ADAMTS20: variants seen among roughly 807,000 people sequenced by gnomAD.
ADAMTS20 encodes ADAM metallopeptidase with thrombospondin type 1 motif 20.
Under a neutral mutation model 260.1 loss-of-function variants are expected in ADAMTS20, and 225 were observed. The observed-to-expected ratio is 0.87, with a 90% CI of 0.78 to 0.97. The LOEUF (loss-of-function observed/expected upper bound fraction) is 0.97, where lower values mean the gene tolerates loss of function less well. Ranked by LOEUF, ADAMTS20 falls within the 50% of genes least tolerant of loss-of-function variation. The pLI, the probability that ADAMTS20 is intolerant of heterozygous loss-of-function variation, is 0.00. For missense variants in ADAMTS20, 2,400 were observed against 2,337.7 expected (o/e 1.03, Z -0.55); for synonymous variants, 802 against 769.5 (o/e 1.04, Z -0.70).
chr12:43,532,299 G>T (rs1224557857), intron 2 of ADAMTS20, 104 bp from the exon 3 acceptor site: 12 of 1,013,236 alleles, frequency 1.2e-5, no homozygotes, highest in Non-Finnish European at 1.7e-5. Flanking sequence ...AAACAGCAAG[G>T]AGTCTGTTCA....
chr12:43,438,268 T>C (rs937090005), intron 18 of ADAMTS20, among the ~76,000 whole-genome samples: 2 of 152,202 alleles, frequency 1.3e-5, no homozygotes, highest in Non-Finnish European at 2.9e-5. Flanking sequence ...TTCATTCTCC[T>C]GTTTCTGAAA....
chr12:43,390,399 A>G (rs1360258926), intron 29 of ADAMTS20, among the ~76,000 whole-genome samples: 1 of 152,248 alleles, frequency 6.6e-6, no homozygotes, highest in African/African-American at 2.4e-5. Context: ...TTTCAAATAT[A>G]AATAGGCTGA....
At chr12:43,402,541 T>C (rs1399716871) in intron 28 of ADAMTS20, among the ~76,000 whole-genome samples, 1 of 152,018 alleles carries the variant, frequency 6.6e-6, no homozygotes. Flanking sequence ...CAGGACATGT[T>C]ATGCAAACAG....
chr12:43,419,215 T>C lies in ADAMTS20; in HGVS notation c.4284+6299A>G, dbSNP rs183609251. On this transcript the variant is annotated intron_variant, in intron 28 of 38. Coordinates refer to ENST00000389420, the MANE Select transcript of ADAMTS20 (RefSeq NM_025003.5). ...ATCATATGTTAGTTTATGTGTGCAA[T>C]GTATGACTATATAATACATATATAT... 5.5e-4 allele frequency among the ~76,000 whole-genome samples: 84 copies of C among 152,276 alleles called. No homozygotes were observed. In the East Asian group the frequency reaches 0.014, roughly 26 times the overall value.
chr12:43,454,662 C>T (rs1464823416), intron 11 of ADAMTS20, among the ~76,000 whole-genome samples: 1 of 152,170 alleles, frequency 6.6e-6, no homozygotes, highest in Non-Finnish European at 1.5e-5. Flanking sequence ...TCCATCCCTT[C>T]TCACTACACC....
intron 4 of ADAMTS20, among the ~76,000 whole-genome samples, chr12:43,494,207 T>G (rs1942645468): frequency 1.3e-5 from 2 of 152,186 alleles, no homozygotes; most frequent in Admixed American, 1.3e-4. Context: ...TGCTCCAGGG[T>G]GTGCTACTTC....
intron 7 of ADAMTS20, among the ~76,000 whole-genome samples, chr12:43,469,184 G>A (rs1942207389): frequency 6.6e-6 from 1 of 151,938 alleles, no homozygotes; most frequent in African/African-American, 2.4e-5. Context: ...CATGACATGA[G>A]TAAAAAATAA....
chr12:43,434,472 G>T, intron 18 of ADAMTS20, 101 bp from the exon 19 acceptor site: 1 of 1,271,814 alleles, frequency 7.9e-7, no homozygotes, highest in Non-Finnish European at 1.1e-6. Context: ...AGCCAGCTAA[G>T]CAAGTAAAAA....
At chr12:43,483,336 C>T (rs1942470445) in intron 7 of ADAMTS20, among the ~76,000 whole-genome samples, 1 of 152,124 alleles carries the variant, frequency 6.6e-6, no homozygotes, top group Non-Finnish European at 1.5e-5. Flanking sequence ...ACAAAAGAAA[C>T]CAGACTGGAG....
At chr12:43,518,063 G>A (rs947448748) in intron 3 of ADAMTS20, among the ~76,000 whole-genome samples, 4 of 151,696 alleles carry the variant, frequency 2.6e-5, no homozygotes, top group African/African-American at 9.7e-5. Context: ...TTTCAAAAAG[G>A]CATTTAATTT....
chr12:43,405,670 C>T (rs1349694396), intron 28 of ADAMTS20, among the ~76,000 whole-genome samples: 3 of 151,762 alleles, frequency 2.0e-5, no homozygotes, highest in Non-Finnish European at 4.4e-5. Context: ...AAAATGACGA[C>T]AAGAAAATAC....
intron 4 of ADAMTS20, among the ~76,000 whole-genome samples, chr12:43,497,776 T>C (rs1466029905): frequency 1.3e-5 from 2 of 152,118 alleles, no homozygotes; most frequent in Admixed American, 6.5e-5. Flanking sequence ...CCTCTAATAA[T>C]AGTAACCATA....
intron 18 of ADAMTS20, 41 bp downstream of exon 18, chr12:43,439,581 T>A: frequency 1.9e-6 from 3 of 1,572,626 alleles, no homozygotes; most frequent in Non-Finnish European, 2.6e-6. Flanking sequence ...GATGCCAGAA[T>A]GCACAGTCAG....
chr12:43,528,671 G>C (rs867641456), intron 3 of ADAMTS20, among the ~76,000 whole-genome samples: 1 of 152,048 alleles, frequency 6.6e-6, no homozygotes, highest in Non-Finnish European at 1.5e-5. Flanking sequence ...ATGGATTAAA[G>C]TCTTAAATCT....
At chr12:43,523,761 C>T (rs1321392059) in intron 3 of ADAMTS20, among the ~76,000 whole-genome samples, 1 of 152,038 alleles carries the variant, frequency 6.6e-6, no homozygotes, top group Non-Finnish European at 1.5e-5. Context: ...CAGAGACCTA[C>T]CCCTTGACCC....
rs771750626 is a variant in ADAMTS20, at chr12:43,446,694, C to T, written c.2098G>A (p.Val700Met). ...GQCMAAGCDH[V>M]LNSSAKIDKC... ...TCTATCTTGGCACTGGAGTTTAACA[C>T]GTGATCACAACCAGCTGCCTTCAAG... Residue 700 changes from valine to methionine, a missense_variant, in exon 15 of 39, where the codon GTG becomes ATG. Val to Met is a conservative substitution (Grantham distance 21). Coordinates refer to ENST00000389420, the MANE Select transcript of ADAMTS20 (RefSeq NM_025003.5). 17 of 1,612,942 alleles carry T rather than the reference C, an allele frequency of 1.1e-5. No homozygotes were observed. Among genetic ancestry groups the T allele is most frequent in the Middle Eastern group, 1.6e-4 (1 of 6,080 alleles).
At chr12:43,385,247 A>G (rs1246319172) in intron 29 of ADAMTS20, among the ~76,000 whole-genome samples, 2 of 152,020 alleles carry the variant, frequency 1.3e-5, no homozygotes, top group East Asian at 3.9e-4. Flanking sequence ...TGGCCCCATA[A>G]ATGTCTTCTT....
chr12:43,545,784 C>G (rs1224345014), intron 2 of ADAMTS20, among the ~76,000 whole-genome samples: 1 of 151,996 alleles, frequency 6.6e-6, no homozygotes, highest in East Asian at 1.9e-4. Flanking sequence ...TTTTTTTTTC[C>G]TATGTAAGCC....
At chr12:43,535,525 A>G (rs1310743032) in intron 2 of ADAMTS20, among the ~76,000 whole-genome samples, 1 of 152,184 alleles carries the variant, frequency 6.6e-6, no homozygotes, top group Non-Finnish European at 1.5e-5. Flanking sequence ...AAAGTAGGCT[A>G]CAAATTCCAG....
Sources: allele counts gnomAD v4.1 joint callset (sites outside exome capture counted in the v4.1 genomes callset), GRCh38; gene constraint gnomAD v4.1.1; transcripts MANE v1.5; gene names NCBI Gene and HGNC (gene_info 2026-07-23, HGNC 2026-07-21).